SMYD3: variants seen among roughly 807,000 people sequenced by gnomAD.
SMYD3 encodes histone-lysine N-methyltransferase SMYD3.
A neutral mutation model predicts 57.7 loss-of-function variants in SMYD3; 36 were observed. That is an observed-to-expected ratio of 0.62 (90% CI 0.48 to 0.82). The LOEUF is 0.82. Among genes scored for constraint, SMYD3 ranks in the 40% least tolerant of loss-of-function variants. SMYD3 has a pLI of 0.00. For missense variants in SMYD3, 515 were observed against 538.8 expected (o/e 0.96, Z 0.44); for synonymous variants, 211 against 195.0 (o/e 1.08, Z -0.68).
chr1:246,405,136 G>A (rs1278223675), intron 1 of SMYD3, among the ~76,000 whole-genome samples: 1 of 152,040 alleles, frequency 6.6e-6, no homozygotes, highest in Non-Finnish European at 1.5e-5. Flanking sequence ...ATTTTTTGCA[G>A]AGATGGGGTT....
intron 5 of SMYD3, among the ~76,000 whole-genome samples, chr1:246,274,749 C>A (rs536625441): frequency 6.6e-6 from 1 of 152,174 alleles, no homozygotes; most frequent in African/African-American, 2.4e-5. Flanking sequence ...CTTTCTCTGA[C>A]AAGAGAGAGC....
intron 1 of SMYD3, chr1:246,483,415 A>T (rs2068138988): frequency 3.3e-5 from 5 of 152,226 alleles, no homozygotes; most frequent in Admixed American, 3.3e-4. Flanking sequence ...ATGTCTTGAG[A>T]CTAACATCAA....
chr1:246,315,292 T>C (rs1355096506), intron 5 of SMYD3, among the ~76,000 whole-genome samples: 1 of 152,222 alleles, frequency 6.6e-6, no homozygotes, highest in Non-Finnish European at 1.5e-5. Context: ...AAGTAGGGGA[T>C]AGTCACAGTT....
intron 5 of SMYD3, among the ~76,000 whole-genome samples, chr1:246,303,781 T>C (rs564481679): frequency 1.3e-5 from 2 of 152,318 alleles, no homozygotes; most frequent in African/African-American, 4.8e-5. Context: ...TTCTGGTACA[T>C]TTAAAATAGC....
chr1:245,990,072 ATTTATTT>A (rs1464951788), intron 5 of SMYD3, among the ~76,000 whole-genome samples: 1 of 151,870 alleles, frequency 6.6e-6, no homozygotes, highest in African/African-American at 2.4e-5. Context: ...AGATTTTATT[ATTTATTT>A]ATTTTTGAGA....
chr1:246,486,272 C>G (rs544472978), intron 1 of SMYD3, among the ~76,000 whole-genome samples: 1 of 152,282 alleles, frequency 6.6e-6, no homozygotes, highest in South Asian at 2.1e-4. Flanking sequence ...GGACCAGAAT[C>G]TATCTGACAA....
chr1:245,837,126 A>G (rs1224519447), intron 10 of SMYD3, among the ~76,000 whole-genome samples: 2 of 152,060 alleles, frequency 1.3e-5, no homozygotes, highest in African/African-American at 4.8e-5. Context: ...CAGGAGTTCG[A>G]GACCAGCCTG....
chr1:246,178,435 C>T (rs761838073), intron 5 of SMYD3, among the ~76,000 whole-genome samples: 3 of 152,104 alleles, frequency 2.0e-5, no homozygotes, highest in South Asian at 4.1e-4. Context: ...TGAGAAATGC[C>T]GTAGACAGAG....
chr1:245,817,165 G>C (rs1226821441), intron 10 of SMYD3, among the ~76,000 whole-genome samples: 12 of 150,132 alleles, frequency 8.0e-5, no homozygotes, highest in South Asian at 4.3e-4. Flanking sequence ...GCTTTGAAGA[G>C]AGCAGTGGTT....
intron 5 of SMYD3, among the ~76,000 whole-genome samples, chr1:246,270,068 T>G (rs2064191277): frequency 6.6e-6 from 1 of 152,136 alleles, no homozygotes; most frequent in Admixed American, 6.5e-5. Context: ...ATTAATAACA[T>G]TACGACAAAC....
chr1:245,973,894 A>G (rs1297983327), intron 5 of SMYD3, among the ~76,000 whole-genome samples: 2 of 152,222 alleles, frequency 1.3e-5, no homozygotes, highest in Non-Finnish European at 2.9e-5. Flanking sequence ...TTTAAATATG[A>G]TAGGACTTCC....
At chr1:245,806,906 G>A (rs1488996023) in intron 10 of SMYD3, among the ~76,000 whole-genome samples, 1 of 99,086 alleles carries the variant, frequency 1.0e-5, no homozygotes, top group Non-Finnish European at 1.7e-5. Flanking sequence ...GACAGAGCGA[G>A]ACTCCGTCTC....
chr1:246,411,186 AAAG>A (rs2066962053), intron 1 of SMYD3, among the ~76,000 whole-genome samples: 1 of 152,130 alleles, frequency 6.6e-6, no homozygotes, highest in Non-Finnish European at 1.5e-5. Flanking sequence ...GCTCTTCTCA[AAAG>A]AAGACATTTA....
intron 5 of SMYD3, among the ~76,000 whole-genome samples, chr1:245,992,969 A>G (rs960570693): frequency 9.6e-4 from 138 of 144,002 alleles, no homozygotes; most frequent in African/African-American, 3.1e-3. Context: ...AATGGCGGTC[A>G]TGGGGCCTGG....
chr1:245,800,172 C>T (rs777240383), intron 10 of SMYD3, among the ~76,000 whole-genome samples: 10 of 152,076 alleles, frequency 6.6e-5, no homozygotes, highest in Non-Finnish European at 1.0e-4. Flanking sequence ...CTCCTGCTAC[C>T]GGGTCAGGGA....
chr1:245,900,521 A>G (rs1013970830), intron 8 of SMYD3, among the ~76,000 whole-genome samples: 1 of 152,206 alleles, frequency 6.6e-6, no homozygotes, highest in Non-Finnish European at 1.5e-5. Flanking sequence ...GGAGGAAGAC[A>G]GAAGGATTTC....
At chr1:246,440,502 T>C (rs1471570145) in intron 1 of SMYD3, among the ~76,000 whole-genome samples, 1 of 152,176 alleles carries the variant, frequency 6.6e-6, no homozygotes, top group Non-Finnish European at 1.5e-5. Context: ...TAAATAATCA[T>C]GACAGTATAT....
At chr1:246,194,422 T>C (rs888598939) in intron 5 of SMYD3, among the ~76,000 whole-genome samples, 5 of 152,058 alleles carry the variant, frequency 3.3e-5, no homozygotes, top group Admixed American at 6.5e-5. Flanking sequence ...GCATGTGCCA[T>C]CATGCCCGGC....
At chr1:245,835,196 T>C (rs1248386528) in intron 10 of SMYD3, among the ~76,000 whole-genome samples, 1 of 148,592 alleles carries the variant, frequency 6.7e-6, no homozygotes, top group Non-Finnish European at 1.5e-5. Context: ...CTTGGCTCAC[T>C]GCAACCTCTG....
Sources: allele counts gnomAD v4.1 joint callset (sites outside exome capture counted in the v4.1 genomes callset), GRCh38; gene constraint gnomAD v4.1.1; transcripts MANE v1.5; gene names NCBI Gene and HGNC (gene_info 2026-07-23, HGNC 2026-07-21).